DMD: variants seen among roughly 807,000 people sequenced by gnomAD.
DMD encodes dystrophin.
A neutral mutation model predicts 330.1 loss-of-function variants in DMD; 63 were observed. That is an observed-to-expected ratio of 0.19 (90% CI 0.16 to 0.24). DMD has a LOEUF of 0.24. Ranked by LOEUF, DMD falls within the 10% of genes least tolerant of loss-of-function variation. The pLI, the probability that DMD is intolerant of heterozygous loss-of-function variation, is 1.00. For missense variants in DMD, 3,344 were observed against 2,684.1 expected, an observed-to-expected ratio of 1.25 and a Z score of -5.43; for synonymous variants, 1,223 against 959.8, an observed-to-expected ratio of 1.27 and a Z score of -5.07.
intron 16 of DMD, among the ~76,000 whole-genome samples, chrX:32,556,136 A>T (rs1446280662): frequency 1.8e-5 from 2 of 112,361 alleles, no homozygotes; most frequent in Non-Finnish European, 3.8e-5. Flanking sequence ...AAATAACCTC[A>T]TTAAAAAGTG....
At chrX:32,129,100 T>C (rs1276849732) in intron 44 of DMD, among the ~76,000 whole-genome samples, 20 of 111,705 alleles carry the variant, frequency 1.8e-4, no homozygotes. Flanking sequence ...TTTCCTCATC[T>C]TTTCCATACT....
In DMD at chrX:32,633,172, T is replaced by A. The variant is rs1034806618; in HGVS notation, c.1331+10960A>T. Among the ~76,000 whole-genome samples, 8 of 112,022 alleles carry A rather than the reference T, an allele frequency of 7.1e-5. No homozygotes were observed. The East Asian group carries it at 2.2e-3, about 31-fold the overall frequency. Reference sequence around the variant, plus strand: ...TCCATCTTATTTCTTTGCTCCTGCATCAGAGAGTAGGTTGTTAGAAGTGGC... The same window carrying A: ...TCCATCTTATTTCTTTGCTCCTGCAACAGAGAGTAGGTTGTTAGAAGTGGC... On this transcript the variant is annotated intron_variant, in intron 11 of 78. Coordinates refer to ENST00000357033, the MANE Select transcript of DMD (RefSeq NM_004006.3).
intron 44 of DMD, among the ~76,000 whole-genome samples, chrX:32,035,318 T>TA (rs2095934118): frequency 8.9e-6 from 1 of 111,733 alleles, no homozygotes; most frequent in South Asian, 3.7e-4. Context: ...ACTGATGATA[T>TA]AAAAATCACT....
At chrX:31,745,445 T>C (rs995240205) in intron 51 of DMD, among the ~76,000 whole-genome samples, 2 of 111,632 alleles carry the variant, frequency 1.8e-5, no homozygotes, top group African/African-American at 6.5e-5. Context: ...TTAGAAATAT[T>C]AACCTCGTAC....
intron 62 of DMD, among the ~76,000 whole-genome samples, chrX:31,284,557 T>TTTTCTTCTTCTTCTTCTTC (rs2052885922): frequency 1.3e-5 from 1 of 78,066 alleles, no homozygotes; most frequent in Non-Finnish European, 2.4e-5. Flanking sequence ...TAACGAACTG[T>TTTTCTTCTTCTTCTTCTTC]TTCTTCTTCT....
At chrX:31,515,582 A>G (rs940319711) in intron 55 of DMD, among the ~76,000 whole-genome samples, 1 of 112,173 alleles carries the variant, frequency 8.9e-6, no homozygotes, top group South Asian at 3.7e-4. Flanking sequence ...TTAGAAGGTC[A>G]GGAACATACA....
At chrX:32,489,376 G>A (rs1046532949) in intron 20 of DMD, among the ~76,000 whole-genome samples, 10 of 110,537 alleles carry the variant, frequency 9.0e-5, no homozygotes, top group Non-Finnish European at 1.7e-4. Flanking sequence ...TTAGGGATTG[G>A]TGGCTTTATA....
chrX:32,714,219 A>G (rs1483224047), intron 7 of DMD, among the ~76,000 whole-genome samples: 3 of 111,635 alleles, frequency 2.7e-5, no homozygotes, highest in Non-Finnish European at 3.8e-5. Flanking sequence ...ATTTTGTTAC[A>G]TGGATATGTT....
intron 62 of DMD, among the ~76,000 whole-genome samples, chrX:31,281,959 A>T (rs145790877): frequency 7.3e-4 from 77 of 105,383 alleles, no homozygotes; most frequent in African/African-American, 2.8e-3. Context: ...GATGACCTTC[A>T]GTAGAGAAAT....
chrX:31,970,526 T>C (rs576658651), intron 44 of DMD, among the ~76,000 whole-genome samples: 275 of 109,946 alleles, frequency 2.5e-3, no homozygotes, highest in African/African-American at 8.7e-3. Flanking sequence ...ATGATCTCAG[T>C]GAAAAGGATG....
At chrX:32,895,435 T>C (rs2085618160) in intron 2 of DMD, among the ~76,000 whole-genome samples, 2 of 112,238 alleles carry the variant, frequency 1.8e-5, no homozygotes, top group South Asian at 3.7e-4. Flanking sequence ...AGGAGAGCTG[T>C]AGTTGTTCTA....
chrX:33,282,650 G>A (rs1017882817), intron 1 of DMD, among the ~76,000 whole-genome samples: 1 of 112,103 alleles, frequency 8.9e-6, no homozygotes, highest in African/African-American at 3.2e-5. Context: ...GCAGAGCATG[G>A]TAGTCCTAAA....
intron 74 of DMD, among the ~76,000 whole-genome samples, chrX:31,152,944 G>A (rs1159225131): frequency 8.9e-6 from 1 of 112,520 alleles, no homozygotes; most frequent in African/African-American, 3.2e-5. Flanking sequence ...TGTTTTGCAT[G>A]TGCATACATA....
At chrX:32,929,908 C>T (rs2089439207) in intron 2 of DMD, among the ~76,000 whole-genome samples, 1 of 111,794 alleles carries the variant, frequency 8.9e-6, no homozygotes, top group Admixed American at 9.5e-5. Flanking sequence ...TTTTTTATGG[C>T]TGCACAGTAT....
intron 2 of DMD, among the ~76,000 whole-genome samples, chrX:32,877,040 G>T (rs1322398335): frequency 9.3e-6 from 1 of 107,588 alleles, no homozygotes; most frequent in Non-Finnish European, 1.9e-5. Context: ...ACACAAAGGG[G>T]TGCCAGTGGA....
intron 43 of DMD, among the ~76,000 whole-genome samples, chrX:32,284,566 C>T (rs180902731): frequency 1.3e-4 from 15 of 111,745 alleles, no homozygotes; most frequent in South Asian, 3.8e-4. Flanking sequence ...GTTTAAGCAA[C>T]CCACTAAGCT....
At position 32,454,680 on chromosome X, in the gene DMD, T is replaced by C. The variant is rs774065900; in HGVS notation, c.3585A>G (p.Lys1195=). 8.4e-7 allele frequency: 1 copy of C among 1,188,454 alleles called. No homozygotes were observed. The highest frequency in any genetic ancestry group is 2.2e-5 in the Admixed American group (1 of 45,033). ...FEYKTPDELQ[K]AVEEMKRAKE... ...TTTTTACCTTCATCTCTTCAACTGC[T>C]TTCTGTAATTCATCTGGAGTTTTAT... is the stretch of plus-strand genomic sequence containing the variant. Residue 1195 remains lysine, a synonymous_variant, in exon 26 of 79, where the codon AAA becomes AAG. Coordinates refer to ENST00000357033, the MANE Select transcript of DMD (RefSeq NM_004006.3).
At chrX:32,595,730 T>C in intron 13 of DMD, 27 bp downstream of exon 13, 1 of 1,204,244 alleles carries the variant, frequency 8.3e-7, no homozygotes, top group Non-Finnish European at 1.1e-6. Context: ...AAGGACATAT[T>C]TAGTTTACTA....
chrX:32,412,623 A>G (rs7063700), intron 29 of DMD, among the ~76,000 whole-genome samples: 2,717 of 111,757 alleles, frequency 0.024, 79 homozygotes, highest in African/African-American at 0.082. Context: ...AAGTATAAAT[A>G]CCATGCTGCA....
Sources: gnomAD v4.1 joint callset for allele counts (sites outside exome capture counted in the v4.1 genomes callset) on GRCh38, gnomAD v4.1.1 for gene constraint, MANE v1.5 for transcripts, NCBI Gene and HGNC (gene_info 2026-07-23, HGNC 2026-07-21) for gene names.